Variants in ACSL6 observed in about 807,000 individuals in gnomAD.
The protein encoded by ACSL6 is acyl-CoA synthetase long chain family member 6.
A neutral mutation model predicts 98.2 loss-of-function variants in ACSL6; 47 were observed. The ratio of observed to expected loss-of-function variants is 0.48; its 90% CI spans 0.38 to 0.61. ACSL6 has a LOEUF of 0.61. Ranked by LOEUF, ACSL6 falls within the 20% of genes least tolerant of loss-of-function variation. The pLI, the probability that ACSL6 is intolerant of heterozygous loss-of-function variation, is 0.00. For missense variants in ACSL6, 761 were observed against 913.4 expected (o/e 0.83, Z 2.15); for synonymous variants, 362 against 336.9 (o/e 1.07, Z -0.82).
chr5:132,010,361 G>A (rs1473749973), intron 1 of ACSL6, among the ~76,000 whole-genome samples: 5 of 152,196 alleles, frequency 3.3e-5, no homozygotes, highest in Admixed American at 3.3e-4. Flanking sequence ...TGGAATCCCA[G>A]TCTGCCAAAT....
At position 131,964,368 on chromosome 5, in the gene ACSL6, C is replaced by T. The variant is rs184819555; in HGVS notation, c.1714-1690G>A. 2.6e-5 allele frequency among the ~76,000 whole-genome samples: 4 copies of T among 152,258 alleles called. No homozygotes were observed. The East Asian group carries it at 7.7e-4, about 29-fold the overall frequency. On this transcript the variant is annotated intron_variant, in intron 17 of 20. Coordinates refer to ENST00000651883, the MANE Select transcript of ACSL6 (RefSeq NM_001009185.3). ...ATGAGAAATATAGAATAATAAGTAT[C>T]TCAATAGCTGCAATAAATTTTAATT... is the stretch of plus-strand genomic sequence containing the variant.
rs368358122 is a variant in ACSL6, at chr5:131,977,874, AAGAG to A, written c.917-1157_917-1154del. Among the ~76,000 whole-genome samples the A allele has an allele frequency of 5.3e-5, 8 of 150,118 alleles. No homozygotes were observed. The East Asian group carries it at 1.2e-3, about 22-fold the overall frequency. On this transcript the variant is annotated intron_variant, in intron 9 of 20. Coordinates refer to ENST00000651883, the MANE Select transcript of ACSL6 (RefSeq NM_001009185.3). ...GCCTCAATGAGGGGGTGGGGAGAGA[AAGAG>A]AGAGAGAGAGAGAGAACTTTTTTTC...
In ACSL6 at chr5:131,990,089, G is replaced by T. The variant is rs370950334; in HGVS notation, c.450+11C>A. 3 of 1,613,136 alleles carry T rather than the reference G, an allele frequency of 1.9e-6. No homozygotes were observed. The African/African-American group carries it at 4.0e-5, about 22-fold the overall frequency. Reference sequence around the variant, plus strand: ...GGGTGGCCAGGGTGGGGCCTGTCCTGTATCACTCACCTCCTGGTAGGACAG... The same window carrying T: ...GGGTGGCCAGGGTGGGGCCTGTCCTTTATCACTCACCTCCTGGTAGGACAG... On this transcript the variant is annotated intron_variant, in intron 4 of 20. Transcript: ENST00000651883.
At chr5:131,999,911 A>G (rs1754991576) in intron 1 of ACSL6, among the ~76,000 whole-genome samples, 1 of 152,164 alleles carries the variant, frequency 6.6e-6, no homozygotes, top group Non-Finnish European at 1.5e-5. Context: ...GGGTTTCTTA[A>G]GAACAAAGTC....
At position 131,994,083 on chromosome 5, in the gene ACSL6, G is replaced by A. The variant is rs1485833840; in HGVS notation, c.218C>T (p.Pro73Leu). The part of the protein sequence containing the change: ...AILAYWFTHR[P>L]KALQPPCNLL... ...GTTGCATGGCGGCTGCAAGGCCTTT[G>A]GCCGGTGAGTGAACCAGTAGGCAAG... Residue 73 changes from proline to leucine, a missense_variant, in exon 2 of 21, where the codon CCA (proline) becomes CTA (leucine). Pro to Leu is a moderately conservative substitution (Grantham distance 98). Transcript: ENST00000651883. The A allele has an allele frequency of 1.2e-6, 2 of 1,614,040 alleles. No individual in the cohort carries two copies. The highest frequency in any genetic ancestry group is 1.7e-6 in the Non-Finnish European group (2 of 1,180,044).
At position 131,988,714 on chromosome 5, in the gene ACSL6, G is replaced by A. The variant is rs946225048; in HGVS notation, c.652+91C>T. ...TTTCTGAGAGCAAAGTGCCTCTTACGAGTGTCAGACAATCAGCATAACCTG... is the reference window on the plus strand; with the variant it reads ...TTTCTGAGAGCAAAGTGCCTCTTACAAGTGTCAGACAATCAGCATAACCTG... On this transcript the variant is annotated intron_variant, in intron 6 of 20. Transcript: ENST00000651883. 12 of 1,560,858 alleles carry A rather than the reference G, an allele frequency of 7.7e-6. No homozygotes were observed. The African/African-American group carries it at 8.1e-5, about 11-fold the overall frequency.
At chr5:131,976,494 T>G (rs1284397654) in intron 10 of ACSL6, among the ~76,000 whole-genome samples, 154 bp downstream of exon 10, 1 of 150,870 alleles carries the variant, frequency 6.6e-6, no homozygotes, top group East Asian at 1.9e-4. Context: ...GGGGTTGCTC[T>G]AATGAGAACA....
rs1561796790 is a variant in ACSL6 at position 131,985,417 on chromosome 5, G to GC, written c.905dup (p.Ser302ArgfsTer20). 1.9e-6 allele frequency: 3 copies of GC among 1,614,066 alleles called. No individual in the cohort carries two copies. Among genetic ancestry groups the GC allele is most frequent in the Non-Finnish European group, 2.5e-6 (3 of 1,180,016 alleles). ...CGTGCCTCTGCTTACCTGTCGTGCC[G>GC]CTTGTGAAACACACAATGGAGAGGT... On this transcript the variant is annotated frameshift_variant, in exon 9 of 21. Transcript: ENST00000651883. LOFTEE classifies it high-confidence loss of function.
Position 131,966,481 on chromosome 5 carries a change from T to G in ACSL6, c.1648A>C (p.Arg550=). Reference sequence around the variant, plus strand: ...TCGCTGTCCAGGGCCTCCTTCGTCCTGTCTGGATCTTTCAAGTAGCCTTTG... The same window carrying G: ...TCGCTGTCCAGGGCCTCCTTCGTCCGGTCTGGATCTTTCAAGTAGCCTTTG... ...VFKGYLKDPD[R]TKEALDSDGW... is the part of the protein sequence containing the mutation. The change falls in exon 17 of 21, where the codon AGG becomes CGG. Residue 550 remains arginine (R), a synonymous_variant. Coordinates refer to ENST00000651883, the MANE Select transcript of ACSL6 (RefSeq NM_001009185.3). 6.2e-7 allele frequency: 1 copy of G among 1,614,210 alleles called. No individual in the cohort carries two copies.
At chr5:131,993,874 G>T in intron 2 of ACSL6, 157 bp downstream of exon 2, 1 of 727,340 alleles carries the variant, frequency 1.4e-6, no homozygotes, top group Non-Finnish European at 2.2e-6. Flanking sequence ...AGGAGACCCT[G>T]CCCAAGGCTG....
intron 6 of ACSL6, chr5:131,988,567 G>A: frequency 1.2e-6 from 2 of 1,601,594 alleles, no homozygotes; most frequent in Non-Finnish European, 1.7e-6. Context: ...CTGTGTGGAG[G>A]CTGTTGCAGA....
chr5:132,001,627 T>C (rs1398629674), intron 1 of ACSL6, among the ~76,000 whole-genome samples: 1 of 152,176 alleles, frequency 6.6e-6, no homozygotes, highest in Non-Finnish European at 1.5e-5. Context: ...ATCATAGCTC[T>C]GATGGTTCAA....
At chr5:131,986,680 A>G (rs1468643826) in intron 8 of ACSL6, 142 bp downstream of exon 8, 1 of 1,004,392 alleles carries the variant, frequency 1.0e-6, no homozygotes, top group Non-Finnish European at 1.5e-6. Context: ...AGTCCTGGAC[A>G]CTCAAGTGGG....
chr5:131,991,970 A>G (rs1350977075), intron 2 of ACSL6, among the ~76,000 whole-genome samples: 1 of 152,200 alleles, frequency 6.6e-6, no homozygotes, highest in African/African-American at 2.4e-5. Context: ...GACACATCCA[A>G]TCAGACCCAG....
At chr5:131,993,234 A>T (rs1005779534) in intron 2 of ACSL6, 9 of 152,314 alleles carry the variant, frequency 5.9e-5, no homozygotes, top group African/African-American at 1.9e-4. Context: ...TATGATCGCC[A>T]AGGTGCACTG....
At chr5:131,978,967 G>A (rs1474280582) in intron 9 of ACSL6, among the ~76,000 whole-genome samples, 3 of 152,196 alleles carry the variant, frequency 2.0e-5, no homozygotes, top group Non-Finnish European at 4.4e-5. Context: ...AATCACAGAG[G>A]TGATTCTGGG....
At chr5:131,993,905 C>T (rs1439405540) in intron 2 of ACSL6, 126 bp downstream of exon 2, 2 of 984,888 alleles carry the variant, frequency 2.0e-6, no homozygotes, top group Non-Finnish European at 3.0e-6. Context: ...AAGTGGCTGA[C>T]TGCCAGGGGA....
intron 1 of ACSL6, among the ~76,000 whole-genome samples, chr5:131,998,851 C>G (rs1754921401): frequency 6.6e-6 from 1 of 152,174 alleles, no homozygotes; most frequent in Admixed American, 6.5e-5. Flanking sequence ...CTTCCTATTG[C>G]CTTAGGACCA....
In ACSL6 at chr5:131,988,210, C is replaced by T; in HGVS notation, c.669G>A (p.Val223=). The T allele has an allele frequency of 6.2e-7, 1 of 1,614,174 alleles. No homozygotes were observed. The highest frequency in any genetic ancestry group is 8.5e-7 in the Non-Finnish European group (1 of 1,180,034). Residue 223 remains valine (V), a synonymous_variant, in exon 7 of 21, where the codon GTG becomes GTA. Coordinates refer to ENST00000651883, the MANE Select transcript of ACSL6 (RefSeq NM_001009185.3). ...YIINTADIST[V]IVDKPQKAVL... ...CAGCCTTCTGAGGTTTGTCCACAAT[C>T]ACGGTGCTGATGTCCGCTGCAGGGG...
Sources: gnomAD v4.1 joint callset for allele counts (sites outside exome capture counted in the v4.1 genomes callset) on GRCh38, gnomAD v4.1.1 for gene constraint, MANE v1.5 for transcripts, NCBI Gene and HGNC (gene_info 2026-07-23, HGNC 2026-07-21) for gene names.